PPP3CA: variants seen among roughly 807,000 people sequenced by gnomAD.
PPP3CA encodes the protein protein phosphatase 3 catalytic subunit alpha, also known as CAM-PRP catalytic subunit.
PPP3CA carries 14 observed loss-of-function variants against 66.5 expected under a neutral mutation model. The ratio of observed to expected loss-of-function variants is 0.21; its 90% CI spans 0.14 to 0.33. PPP3CA has a LOEUF of 0.33. Ranked by LOEUF, PPP3CA falls within the 10% of genes least tolerant of loss-of-function variation. The pLI, the probability that PPP3CA is intolerant of heterozygous loss-of-function variation, is 1.00. For synonymous variants in PPP3CA, 232 were observed against 226.2 expected (o/e 1.03, Z -0.23); for missense variants, 317 against 639.5 (o/e 0.50, Z 5.44).
At chr4:101,335,555 C>T (rs944974949) in intron 1 of PPP3CA, among the ~76,000 whole-genome samples, 2 of 151,528 alleles carry the variant, frequency 1.3e-5, no homozygotes, top group Non-Finnish European at 2.9e-5. Flanking sequence ...TTACAGACTT[C>T]TACTTATAGA....
chr4:101,129,735 T>C (rs115008357), intron 2 of PPP3CA, among the ~76,000 whole-genome samples: 4 of 152,022 alleles, frequency 2.6e-5, no homozygotes, highest in Admixed American at 2.0e-4. Context: ...AGAAACTCCA[T>C]CTGAAGGTCA....
chr4:101,190,916 G>A (rs1250337637), intron 2 of PPP3CA, among the ~76,000 whole-genome samples: 1 of 152,126 alleles, frequency 6.6e-6, no homozygotes, highest in East Asian at 1.9e-4. Context: ...GTTTTCTTCA[G>A]TAATGAGCAG....
Position 101,045,413 on chromosome 4 carries a change from T to C in PPP3CA, c.1157-4847A>G, listed in dbSNP as rs144304932. On this transcript the variant is annotated intron_variant, in intron 10 of 13. Coordinates refer to ENST00000394854, the MANE Select transcript of PPP3CA (RefSeq NM_000944.5). Reference sequence around the variant, plus strand: ...GGGAAACATTTATACCATGAAAATCTGCAAATGCTACAAACCGGGGCCATT... The same window carrying C: ...GGGAAACATTTATACCATGAAAATCCGCAAATGCTACAAACCGGGGCCATT... Among the ~76,000 whole-genome samples, 96 of 152,310 alleles carry C rather than the reference T, an allele frequency of 6.3e-4. No homozygotes were observed. The South Asian group carries it at 8.5e-3, about 13-fold the overall frequency.
intron 1 of PPP3CA, among the ~76,000 whole-genome samples, chr4:101,300,280 CAGA>C (rs1274153818): frequency 6.6e-6 from 1 of 152,092 alleles, no homozygotes; most frequent in African/African-American, 2.4e-5. Flanking sequence ...ACTTGGTATC[CAGA>C]AGATGTTGAT....
Position 101,025,728 on chromosome 4 carries a change from C to G in PPP3CA, c.*137G>C. ...TTTTTAATGATAGTGTAAACTGAAT[C>G]CAATTCCTGGCCCCCAGAGCAAATA... On this transcript the variant is annotated 3_prime_UTR_variant, in exon 14 of 14. Coordinates refer to ENST00000394854, the MANE Select transcript of PPP3CA (RefSeq NM_000944.5). 4.7e-6 allele frequency: 3 copies of G among 632,212 alleles called. No homozygotes were observed. The highest frequency in any genetic ancestry group is 7.6e-6 in the Non-Finnish European group (3 of 393,010). The allele number at this position is 632,212 out of a possible 1,614,324, so 39.2% of individuals were successfully genotyped here. A position where few individuals can be genotyped will look rare whatever the true frequency, so the allele number is the denominator to read the frequency against.
intron 6 of PPP3CA, among the ~76,000 whole-genome samples, chr4:101,084,776 A>G (rs1729588903): frequency 6.6e-6 from 1 of 152,198 alleles, no homozygotes; most frequent in South Asian, 2.1e-4. Flanking sequence ...GTGTTTTGTA[A>G]GAGAAAGGGA....
At chr4:101,147,608 T>C (rs1723011238) in intron 2 of PPP3CA, among the ~76,000 whole-genome samples, 2 of 152,184 alleles carry the variant, frequency 1.3e-5, no homozygotes, top group South Asian at 4.1e-4. Flanking sequence ...ATCTGGATTC[T>C]CTCCAAGAGC....
At chr4:101,329,893 G>A (rs1003373657) in intron 1 of PPP3CA, among the ~76,000 whole-genome samples, 7 of 151,862 alleles carry the variant, frequency 4.6e-5, no homozygotes, top group African/African-American at 1.2e-4. Flanking sequence ...AAATATTACT[G>A]CTCTTTGCAA....
At chr4:101,285,364 G>A (rs1727806347) in intron 1 of PPP3CA, among the ~76,000 whole-genome samples, 1 of 151,944 alleles carries the variant, frequency 6.6e-6, no homozygotes, top group Non-Finnish European at 1.5e-5. Context: ...TACTTTCCCT[G>A]CTAAATAGAT....
chr4:101,050,791 C>G (rs569096365), intron 10 of PPP3CA, among the ~76,000 whole-genome samples: 1 of 152,106 alleles, frequency 6.6e-6, no homozygotes, highest in Non-Finnish European at 1.5e-5. Flanking sequence ...TGCTAATGCA[C>G]GTAAAACAGA....
chr4:101,335,166 T>C lies in PPP3CA; in HGVS notation c.58+11573A>G, dbSNP rs566450385. Among the ~76,000 whole-genome samples, 11 of 152,276 alleles carry C rather than the reference T, an allele frequency of 7.2e-5. No individual in the cohort carries two copies. The South Asian group carries it at 8.3e-4, about 11-fold the overall frequency. ...CACAGCTGAGTTTAACACAACACTG[T>C]GTTGACACCATAGTTGGAAGCCACT... On this transcript the variant is annotated intron_variant, in intron 1 of 13. Coordinates refer to ENST00000394854, the MANE Select transcript of PPP3CA (RefSeq NM_000944.5).
intron 1 of PPP3CA, among the ~76,000 whole-genome samples, chr4:101,206,214 C>T (rs1273735011): frequency 1.3e-5 from 2 of 152,202 alleles, no homozygotes; most frequent in East Asian, 3.8e-4. Context: ...ATTCTCTGCA[C>T]CTCTAATGTT....
intron 1 of PPP3CA, among the ~76,000 whole-genome samples, chr4:101,242,159 C>A (rs1001596128): frequency 1.5e-4 from 23 of 151,456 alleles, no homozygotes; most frequent in Admixed American, 1.5e-3. Flanking sequence ...ATAGTAGAAA[C>A]ACCTAGATTA....
intron 8 of PPP3CA, among the ~76,000 whole-genome samples, chr4:101,080,227 T>G (rs982568629): frequency 2.6e-5 from 4 of 152,178 alleles, no homozygotes; most frequent in African/African-American, 9.7e-5. Context: ...GAAGCATGAT[T>G]TTGGATTATT....
In PPP3CA at chr4:101,347,189, ACG is replaced by A; in HGVS notation, c.-395_-394del. 1 of 347,554 alleles carries A rather than the reference ACG, an allele frequency of 2.9e-6. No individual in the cohort carries two copies. Among genetic ancestry groups the A allele is most frequent in the Non-Finnish European group, 5.4e-6 (1 of 186,224 alleles). 21.5% of individuals were successfully genotyped at this position (347,554 alleles called of 1,614,324 possible). ...ACCCAGCACCGCGGAATGGAGCCCC[ACG>A]CGCGCACACACGGCCAGGATTAAGA... On this transcript the variant is annotated 5_prime_UTR_variant, in exon 1 of 14. Coordinates refer to ENST00000394854, the MANE Select transcript of PPP3CA (RefSeq NM_000944.5).
At chr4:101,246,636 C>CT (rs1297830946) in intron 1 of PPP3CA, among the ~76,000 whole-genome samples, 1 of 152,126 alleles carries the variant, frequency 6.6e-6, no homozygotes, top group Non-Finnish European at 1.5e-5. Flanking sequence ...ACATATTACT[C>CT]TGAGTATAAA....
In PPP3CA at chr4:101,025,803, C is replaced by T; in HGVS notation, c.*62G>A. ...CCAACTGCTGATATGCAGCAATCCC[C>T]ATCATGCCCCGCAGCTCAAAAAAAA... On this transcript the variant is annotated 3_prime_UTR_variant, in exon 14 of 14. Transcript: ENST00000394854. The T allele has an allele frequency of 1.5e-6, 2 of 1,315,304 alleles. No homozygotes were observed. The highest frequency in any genetic ancestry group is 1.0e-6 in the Non-Finnish European group (1 of 982,190). The allele number at this position is 1,315,304 out of a possible 1,614,324, so 81.5% of individuals were successfully genotyped here.
At chr4:101,234,865 T>C (rs548971018) in intron 1 of PPP3CA, among the ~76,000 whole-genome samples, 60 of 151,946 alleles carry the variant, frequency 3.9e-4, no homozygotes, top group Non-Finnish European at 8.1e-4. Context: ...TGCTGGTTCA[T>C]TTTCTAACTA....
intron 8 of PPP3CA, among the ~76,000 whole-genome samples, chr4:101,065,862 T>C (rs1728658433): frequency 6.6e-6 from 1 of 152,142 alleles, no homozygotes; most frequent in Admixed American, 6.6e-5. Flanking sequence ...AAGTTCTGTT[T>C]TGCAGTTGGT....
Sources: gnomAD v4.1 joint callset for allele counts (sites outside exome capture counted in the v4.1 genomes callset) on GRCh38, gnomAD v4.1.1 for gene constraint, MANE v1.5 for transcripts, NCBI Gene and HGNC (gene_info 2026-07-23, HGNC 2026-07-21) for gene names.